The following MACROD2 variants were observed in gnomAD, a reference collection of about 807,000 sequenced individuals.
The protein encoded by MACROD2 is ADP-ribose glycohydrolase MACROD2.
Under a neutral mutation model 70.4 loss-of-function variants are expected in MACROD2, and 36 were observed. The observed-to-expected ratio is 0.51, with a 90% CI of 0.39 to 0.68. MACROD2 has a LOEUF of 0.68. Ranked by LOEUF, MACROD2 falls within the 30% of genes least tolerant of loss-of-function variation. The probability of loss-of-function intolerance (pLI) is 0.00; values close to 1 mark genes in which losing one functional copy is unlikely to be tolerated. For missense variants in MACROD2, 496 were observed against 538.4 expected (o/e 0.92, Z 0.78); for synonymous variants, 172 against 178.8 (o/e 0.96, Z 0.30).
At chr20:15,678,628 A>C (rs1168555852) in intron 8 of MACROD2, among the ~76,000 whole-genome samples, 1 of 152,138 alleles carries the variant, frequency 6.6e-6, no homozygotes, top group Non-Finnish European at 1.5e-5. Flanking sequence ...TCTTTAAAAA[A>C]ATAAATAAAT....
At chr20:15,173,058 G>C (rs376831548) in intron 5 of MACROD2, among the ~76,000 whole-genome samples, 1 of 152,028 alleles carries the variant, frequency 6.6e-6, no homozygotes, top group Non-Finnish European at 1.5e-5. Context: ...GCCTGTGTGC[G>C]TGTGTGTTTG....
intron 5 of MACROD2, among the ~76,000 whole-genome samples, chr20:14,965,719 C>T (rs1020175768): frequency 1.3e-5 from 2 of 151,664 alleles, no homozygotes; most frequent in African/African-American, 2.4e-5. Context: ...CCACCCGTCT[C>T]GGCCTTCCAA....
At chr20:14,748,412 C>A (rs1355548725) in intron 5 of MACROD2, among the ~76,000 whole-genome samples, 1 of 152,076 alleles carries the variant, frequency 6.6e-6, no homozygotes, top group African/African-American at 2.4e-5. Flanking sequence ...ACCACTGTAT[C>A]CAGTGCCTAG....
intron 3 of MACROD2, among the ~76,000 whole-genome samples, chr20:14,358,428 GTAGT>G (rs1337803451): frequency 3.3e-5 from 5 of 152,074 alleles, no homozygotes; most frequent in Non-Finnish European, 5.9e-5. Flanking sequence ...CCCCTAGGAG[GTAGT>G]TAGTACCATT....
chr20:15,710,403 T>A (rs776445802), intron 8 of MACROD2, among the ~76,000 whole-genome samples: 1 of 152,148 alleles, frequency 6.6e-6, no homozygotes, highest in Non-Finnish European at 1.5e-5. Flanking sequence ...CCCAAAGCCA[T>A]ATATAAAGTA....
chr20:15,811,692 A>C (rs1038133222), intron 8 of MACROD2, among the ~76,000 whole-genome samples: 4 of 151,748 alleles, frequency 2.6e-5, no homozygotes, highest in African/African-American at 9.7e-5. Context: ...GGCTGACTGG[A>C]TGGGTGAATG....
Position 15,233,377 on chromosome 20 carries a change from A to T in MACROD2, c.540+3316A>T, listed in dbSNP as rs181213446. Among the ~76,000 whole-genome samples the T allele has an allele frequency of 2.5e-3, 376 of 152,240 alleles. 2 individuals carry two copies. Among genetic ancestry groups the T allele is most frequent in the African/African-American group, 8.4e-3 (350 of 41,538 alleles). On this transcript the variant is annotated intron_variant, in intron 6 of 17. Transcript: ENST00000684519. ...GAATTGGAGAAAGGTCTGAAAGGAG[A>T]TGGAGAAAAACAGAAAAAAGAGTAG...
At position 15,956,068 on chromosome 20, in the gene MACROD2, C is replaced by T. The variant is rs557354561; in HGVS notation, c.908-11485C>T. On this transcript the variant is annotated intron_variant, in intron 12 of 17. Coordinates refer to ENST00000684519, the MANE Select transcript of MACROD2 (RefSeq NM_001351661.2). ...AAACTTGGTGTGTATTTTATACTTA[C>T]AGCATATGTCATTCGGACTCACCAC... is the stretch of plus-strand genomic sequence containing the variant. Among the ~76,000 whole-genome samples the T allele has an allele frequency of 4.6e-5, 7 of 152,290 alleles. No individual in the cohort carries two copies. In the South Asian group the frequency reaches 1.5e-3, roughly 32 times the overall value.
At chr20:14,596,512 C>A (rs904333004) in intron 4 of MACROD2, among the ~76,000 whole-genome samples, 8 of 150,310 alleles carry the variant, frequency 5.3e-5, no homozygotes, top group African/African-American at 1.5e-4. Context: ...GCATTTTTTT[C>A]TGTCAATTAC....
In MACROD2 at chr20:15,103,819, A is replaced by G. The variant is rs569806447; in HGVS notation, c.419-126121A>G. Among the ~76,000 whole-genome samples the G allele has an allele frequency of 2.0e-5, 3 of 152,266 alleles. No individual in the cohort carries two copies. The South Asian group carries it at 6.2e-4, about 32-fold the overall frequency. On this transcript the variant is annotated intron_variant, in intron 5 of 17. Transcript: ENST00000684519. ...GCTGAGACCAGAATTGCATGAAGAA[A>G]GCAGCCGTGAGCAGAACTGAATAAA...
intron 3 of MACROD2, among the ~76,000 whole-genome samples, chr20:14,167,864 G>A (rs1601303821): frequency 6.6e-6 from 1 of 152,128 alleles, no homozygotes; most frequent in South Asian, 2.1e-4. Context: ...AGTCTTAGGA[G>A]CTGCTAACTC....
At chr20:14,066,925 C>T (rs1182531075) in intron 2 of MACROD2, among the ~76,000 whole-genome samples, 1 of 149,508 alleles carries the variant, frequency 6.7e-6, no homozygotes, top group Non-Finnish European at 1.5e-5. Context: ...CATTCTCCTG[C>T]CTCAGCCTCC....
rs180709428 is a variant in MACROD2, at chr20:15,949,982, A to G, written c.907+12438A>G. ...TTTAAATGTTTAACTTTGACTCCCA[A>G]AAGTGTACTATTTTTAAGAGTATGT... On this transcript the variant is annotated intron_variant, in intron 12 of 17. Transcript: ENST00000684519. Among the ~76,000 whole-genome samples the G allele has an allele frequency of 4.5e-3, 682 of 152,262 alleles. 4 individuals are homozygous for G. Among genetic ancestry groups the G allele is most frequent in the African/African-American group, 0.016 (649 of 41,552 alleles).
intron 5 of MACROD2, among the ~76,000 whole-genome samples, chr20:15,115,754 A>G (rs1181250901): frequency 6.6e-6 from 1 of 152,188 alleles, no homozygotes; most frequent in Non-Finnish European, 1.5e-5. Flanking sequence ...TAGACTTAGG[A>G]TAAATCAGAA....
intron 8 of MACROD2, among the ~76,000 whole-genome samples, chr20:15,676,869 T>C (rs1011320826): frequency 1.3e-5 from 2 of 152,204 alleles, no homozygotes; most frequent in Non-Finnish European, 2.9e-5. Context: ...CTAATACTGA[T>C]AAATAAAGAG....
At chr20:15,560,938 C>T (rs1181036248) in intron 8 of MACROD2, among the ~76,000 whole-genome samples, 3 of 151,988 alleles carry the variant, frequency 2.0e-5, no homozygotes, top group South Asian at 2.1e-4. Context: ...TCAAAGTCAA[C>T]TTGTTTCCAG....
chr20:14,098,996 G>A (rs142507367), intron 3 of MACROD2, among the ~76,000 whole-genome samples: 1,951 of 152,104 alleles, frequency 0.013, 17 homozygotes, highest in South Asian at 0.037. Context: ...AAAGCAGAAC[G>A]TGGCTGGGTG....
At chr20:14,337,266 C>T (rs1240065985) in intron 3 of MACROD2, 2 of 240,726 alleles carry the variant, frequency 8.3e-6, no homozygotes, top group Non-Finnish European at 1.6e-5. Context: ...GGCTTGCACG[C>T]ACATATATTG....
intron 5 of MACROD2, among the ~76,000 whole-genome samples, chr20:14,881,345 C>A (rs2073609025): frequency 6.6e-6 from 1 of 150,822 alleles, no homozygotes; most frequent in Non-Finnish European, 1.5e-5. Context: ...AAGGTCAAAC[C>A]TAGAACAAGC....
Sources: allele counts gnomAD v4.1 joint callset (sites outside exome capture counted in the v4.1 genomes callset), GRCh38; gene constraint gnomAD v4.1.1; transcripts MANE v1.5; gene names NCBI Gene and HGNC (gene_info 2026-07-23, HGNC 2026-07-21).